UBTF: variants seen among roughly 807,000 people sequenced by gnomAD.
The protein encoded by UBTF is upstream binding transcription factor.
UBTF carries 8 observed loss-of-function variants against 112.3 expected under a neutral mutation model. That is an observed-to-expected ratio of 0.07 (90% confidence interval 0.04 to 0.13). The LOEUF (loss-of-function observed/expected upper bound fraction) is 0.13, where lower values mean the gene tolerates loss of function less well. Among genes scored for constraint, UBTF ranks in the 10% least tolerant of loss-of-function variants. The pLI is 1.00. For synonymous variants in UBTF, 417 were observed against 373.1 expected (o/e 1.12, Z -1.36); for missense variants, 457 against 982.1 (o/e 0.47, Z 7.15).
chr17:44,214,515 T>C (rs1164143808), intron 5 of UBTF, among the ~76,000 whole-genome samples: 1 of 152,162 alleles, frequency 6.6e-6, no homozygotes, highest in Non-Finnish European at 1.5e-5. Context: ...GCTCTGACTC[T>C]AGAGCTTGGC....
intron 8 of UBTF, 96 bp from the exon 9 acceptor site, chr17:44,212,102 A>T: frequency 7.5e-7 from 1 of 1,340,282 alleles, no homozygotes; most frequent in Non-Finnish European, 1.0e-6. Flanking sequence ...GGCAGGGAGC[A>T]AAGCTGGGGG....
At chr17:44,218,430 G>T in intron 1 of UBTF, 134 bp from the exon 2 acceptor site, 1 of 571,716 alleles carries the variant, frequency 1.7e-6, no homozygotes, top group Non-Finnish European at 3.1e-6. Context: ...GACTTAAGGG[G>T]TCTATGGGAA....
chr17:44,218,594 C>CAAAAAAAAAAAAAAAAAAAAA (rs71160095), intron 1 of UBTF: 2 of 83,370 alleles, frequency 2.4e-5, no homozygotes, highest in Non-Finnish European at 3.8e-5. Flanking sequence ...CAACCCCAGC[C>CAAAAAAAAAAAAAAAAAAAAA]AAAAAAAAAA....
chr17:44,212,749 CG>C, intron 7 of UBTF, 69 bp downstream of exon 7: 1 of 1,591,612 alleles, frequency 6.3e-7, no homozygotes, highest in Non-Finnish European at 8.6e-7. Flanking sequence ...CGTGCCCGGC[CG>C]ACCTGGCGCG....
intron 13 of UBTF, 142 bp downstream of exon 13, chr17:44,210,650 G>A (rs2056606549): frequency 2.2e-6 from 3 of 1,388,034 alleles, no homozygotes; most frequent in Admixed American, 2.9e-5. Context: ...CCCGCCTTCC[G>A]GCTGCTGGGC....
intron 5 of UBTF, 111 bp from the exon 6 acceptor site, chr17:44,213,393 G>T: frequency 8.2e-7 from 1 of 1,215,470 alleles, no homozygotes; most frequent in Non-Finnish European, 1.1e-6. Flanking sequence ...ACGCTGTGAT[G>T]CAGGGAGTGG....
Position 44,206,192 on chromosome 17 carries a change from C to G in UBTF, c.*1050G>C, listed in dbSNP as rs1410123249. 1.1e-4 allele frequency: 17 copies of G among 152,058 alleles called. No homozygotes were observed. 9.4% of individuals were successfully genotyped at this position (152,058 alleles called of 1,614,324 possible). Reference sequence around the variant, plus strand: ...CCTGCTGGACAATGGAGACCAGCAGCTCGGATGCATGTGACTCTGGCAGAG... The same window carrying G: ...CCTGCTGGACAATGGAGACCAGCAGGTCGGATGCATGTGACTCTGGCAGAG... On this transcript the variant is annotated 3_prime_UTR_variant, in exon 21 of 21. Transcript: ENST00000436088.
intron 15 of UBTF, 114 bp downstream of exon 15, chr17:44,210,010 C>G: frequency 2.7e-6 from 3 of 1,109,616 alleles, no homozygotes; most frequent in East Asian, 2.4e-5. Flanking sequence ...GAGAAGGAAG[C>G]TGAGACTTGC....
At chr17:44,209,184 A>AT in intron 17 of UBTF, 168 bp downstream of exon 17, 1 of 681,488 alleles carries the variant, frequency 1.5e-6, no homozygotes, top group Non-Finnish European at 2.3e-6. Flanking sequence ...AAAAAAAAAA[A>AT]TAAAAATAAA....
Position 44,207,341 on chromosome 17 carries a change from G to C in UBTF, c.2196C>G (p.Asp732Glu), listed in dbSNP as rs145436194. 6.2e-7 allele frequency: 1 copy of C among 1,612,338 alleles called. No individual in the cohort carries two copies. The highest frequency in any genetic ancestry group is 1.3e-5 in the African/African-American group (1 of 74,776). Residue 732 changes from aspartate to glutamate, a missense_variant, in exon 21 of 21, where the codon GAC becomes GAG. Physicochemically the swap from Asp to Glu is conservative, Grantham distance 45. Around this residue, in one of 7 missense-constraint regions of UBTF, gnomAD observed 139 missense variants for 157.5 expected, o/e 0.88. Coordinates refer to ENST00000436088, the MANE Select transcript of UBTF (RefSeq NM_014233.4). The stretch of plus-strand genomic sequence containing the variant: ...CATCCTCATCGTCATCCTCGTCGTC[G>C]TCTTCGTCCTCGTCATCCTCTTCAT... The part of the protein sequence containing the change: ...DENEEDDEDE[D>E]DDEDDDEDED...
At chr17:44,207,838 C>CA (rs1228653102) in intron 18 of UBTF, 26 bp downstream of exon 18, 1 of 1,614,142 alleles carries the variant, frequency 6.2e-7, no homozygotes, top group South Asian at 1.1e-5. Flanking sequence ...ACCCCTACCC[C>CA]ACTGCTGCTC....
At chr17:44,213,082 C>A in intron 6 of UBTF, 136 bp downstream of exon 6, 2 of 1,534,320 alleles carry the variant, frequency 1.3e-6, no homozygotes, top group Non-Finnish European at 1.8e-6. Flanking sequence ...TGTCCCTGAG[C>A]ATGACACACT....
Position 44,212,952 on chromosome 17 carries a change from C to T in UBTF, c.540-13G>A, listed in dbSNP as rs1228587402. 29 of 1,613,296 alleles carry T rather than the reference C, an allele frequency of 1.8e-5. No homozygotes were observed. Among genetic ancestry groups the T allele is most frequent in the South Asian group, 4.4e-5 (4 of 91,008 alleles). ...GGGGTGATCCTCCCTAGCCAGGACA[C>T]GGGGAGCAAGGATCAGCAGGGGACG... On this transcript the variant is annotated splice_polypyrimidine_tract_variant and intron_variant, in intron 6 of 20. Coordinates refer to ENST00000436088, the MANE Select transcript of UBTF (RefSeq NM_014233.4).
rs1388247613 is a variant in UBTF, at chr17:44,207,184, T to G, written c.*58A>C. 1.9e-6 allele frequency: 3 copies of G among 1,595,102 alleles called. No homozygotes were observed. Among genetic ancestry groups the G allele is most frequent in the Admixed American group, 3.4e-5 (2 of 59,278 alleles). On this transcript the variant is annotated 3_prime_UTR_variant, in exon 21 of 21. Coordinates refer to ENST00000436088, the MANE Select transcript of UBTF (RefSeq NM_014233.4). ...GAACATGGGGGAGAAACAAAGGTGG[T>G]CAGTTGGGGAGGGGAGCTCCTGGGC...
chr17:44,207,028 A>AC lies in UBTF; in HGVS notation c.*213dup. ...TGATAGTTGCTGTCCCTGGAGGAGG[A>AC]CCCCCAAGGGCTGATGTCTCTGAGG... On this transcript the variant is annotated 3_prime_UTR_variant, in exon 21 of 21. Transcript: ENST00000436088. 3.4e-6 allele frequency: 2 copies of AC among 593,272 alleles called. No homozygotes were observed. Among genetic ancestry groups the AC allele is most frequent in the East Asian group, 2.9e-5 (1 of 34,912 alleles). 36.8% of individuals were successfully genotyped at this position (593,272 alleles called of 1,614,324 possible).
At chr17:44,210,738 G>A in intron 13 of UBTF, 54 bp downstream of exon 13, 1 of 1,544,148 alleles carries the variant, frequency 6.5e-7, no homozygotes. Context: ...CCAAGGGGAA[G>A]AGGGGGCCCT....
chr17:44,209,727 G>A lies in UBTF; in HGVS notation c.1633C>T (p.Leu545=). 5.6e-6 allele frequency: 9 copies of A among 1,614,092 alleles called. No individual in the cohort carries two copies. The highest frequency in any genetic ancestry group is 1.3e-5 in the African/African-American group (1 of 75,038). ...AEDQKRYERE[L]SEMRAPPAAT... ...GCTGGAGGTGCCCGCATCTCACTCA[G>A]CTCTCTCTGGAGGGAGAAAGGTCAC... The change falls in exon 16 of 21, where the codon CTG becomes TTG. Residue 545 remains leucine (L), a synonymous_variant. Transcript: ENST00000436088.
intron 8 of UBTF, 160 bp downstream of exon 8, chr17:44,212,183 TG>T (rs888592659): frequency 1.9e-4 from 20 of 106,982 alleles, no homozygotes; most frequent in Middle Eastern, 3.3e-3. Context: ...CTCATGGGGG[TG>T]GGGGGTGGGG....
chr17:44,216,100 A>G (rs1344890483), intron 3 of UBTF, 111 bp from the exon 4 acceptor site: 3 of 888,916 alleles, frequency 3.4e-6, no homozygotes, highest in African/African-American at 3.3e-5. Context: ...GACTAAATTT[A>G]CCAAAGAAGA....
Sources: gnomAD v4.1 joint callset for allele counts (sites outside exome capture counted in the v4.1 genomes callset) on GRCh38, gnomAD v4.1.1 for gene constraint, gnomAD v4.1.1 regional missense constraint, MANE v1.5 for transcripts, NCBI Gene and HGNC (gene_info 2026-07-23, HGNC 2026-07-21) for gene names.